The following TEKTIP1 variants were observed in gnomAD, a reference collection of about 807,000 sequenced individuals.
The protein encoded by TEKTIP1 is tektin bundle interacting protein 1.
the TEKTIP1 span, chr19:3,539,342 T>G: frequency 1.2e-6 from 1 of 868,470 alleles, no homozygotes; most frequent in East Asian, 2.7e-5. Flanking sequence ...GTGTTTGGTT[T>G]GGGGTCTTGC....
the TEKTIP1 span, chr19:3,542,459 A>G: frequency 1.0e-6 from 1 of 985,130 alleles, no homozygotes; most frequent in Non-Finnish European, 1.2e-6. Flanking sequence ...TCAAAGCATA[A>G]AACATCTTTG....
At chr19:3,542,223 T>C in the TEKTIP1 span, 40 of 985,420 alleles carry the variant, frequency 4.1e-5, no homozygotes, top group Non-Finnish European at 4.6e-5. Context: ...AAGCCGAGTC[T>C]ATGTGGGGTC....
At chr19:3,539,286 C>T in the TEKTIP1 span, 4 of 1,387,758 alleles carry the variant, frequency 2.9e-6, no homozygotes, top group Non-Finnish European at 4.0e-6. Flanking sequence ...CAGGTGAGCC[C>T]CTCCCAGCCC....
At chr19:3,540,793 C>T in the TEKTIP1 span, among the ~76,000 whole-genome samples, 9 of 149,140 alleles carry the variant, frequency 6.0e-5, no homozygotes, top group Non-Finnish European at 1.2e-4. Flanking sequence ...GCAGGAGAAT[C>T]ACTTGAACCT....
the TEKTIP1 span, chr19:3,543,788 G>A: frequency 1.6e-5 from 24 of 1,495,490 alleles, no homozygotes; most frequent in African/African-American, 7.0e-5. Context: ...GGCCAACGGC[G>A]AGGAGGTGGG....
At chr19:3,542,819 T>G in the TEKTIP1 span, 1 of 1,373,542 alleles carries the variant, frequency 7.3e-7, no homozygotes. Flanking sequence ...CATGGCTTAG[T>G]GCCAGCCCCA....
At chr19:3,542,971 A>C in the TEKTIP1 span, 5 of 1,540,930 alleles carry the variant, frequency 3.2e-6, no homozygotes, top group East Asian at 7.9e-5. Flanking sequence ...TCTCCAGGCA[A>C]GAAAAGCTGA....
the TEKTIP1 span, chr19:3,541,900 C>G: frequency 2.8e-6 from 2 of 712,026 alleles, no homozygotes; most frequent in Non-Finnish European, 3.4e-6. Context: ...CCTCCGCCTC[C>G]CGGGTTCAAG....
At chr19:3,542,770 A>C in the TEKTIP1 span, 1 of 1,362,080 alleles carries the variant, frequency 7.3e-7, no homozygotes, top group Non-Finnish European at 9.8e-7. Context: ...AGCGTGAGCC[A>C]CACACCTGGC....
At chr19:3,543,489 C>CCA in the TEKTIP1 span, 1 of 1,521,032 alleles carries the variant, frequency 6.6e-7, no homozygotes, top group African/African-American at 1.4e-5. Flanking sequence ...TGCCCCCCCC[C>CCA]CCGCCCTGGG....
chr19:3,543,658 G>A, the TEKTIP1 span: 3 of 1,541,674 alleles, frequency 1.9e-6, no homozygotes, highest in Non-Finnish European at 2.6e-6. Flanking sequence ...GGAAAGACAG[G>A]CCAATCCGGG....
the TEKTIP1 span, chr19:3,543,566 C>A: frequency 1.6e-5 from 25 of 1,540,008 alleles, no homozygotes; most frequent in Non-Finnish European, 2.2e-5. Flanking sequence ...CTACACCCAG[C>A]ACCTGCGGGA....
the TEKTIP1 span, among the ~76,000 whole-genome samples, chr19:3,541,383 A>G: frequency 6.7e-6 from 1 of 149,138 alleles, no homozygotes; most frequent in African/African-American, 2.5e-5. Context: ...AGTGCAGTGG[A>G]ATGATCTCAG....
the TEKTIP1 span, chr19:3,542,729 T>G: frequency 7.6e-7 from 1 of 1,313,300 alleles, no homozygotes; most frequent in Non-Finnish European, 1.0e-6. Context: ...GTGATCCACC[T>G]GCCTCAGCCT....
the TEKTIP1 span, among the ~76,000 whole-genome samples, chr19:3,541,393 G>A: frequency 1.3e-5 from 2 of 150,860 alleles, no homozygotes; most frequent in East Asian, 4.0e-4. Context: ...AATGATCTCA[G>A]CTCACTGCAA....
Sources: gnomAD v4.1 joint callset for allele counts (sites outside exome capture counted in the v4.1 genomes callset) on GRCh38, gnomAD v4.1.1 for gene constraint, MANE v1.5 for transcripts, NCBI Gene and HGNC (gene_info 2026-07-23, HGNC 2026-07-21) for gene names.